The following ITPKB variants were observed in gnomAD, a reference collection of about 807,000 sequenced individuals.
The protein encoded by ITPKB is IP3 3-kinase B.
A neutral mutation model predicts 69.4 loss-of-function variants in ITPKB; 13 were observed. The ratio of observed to expected loss-of-function variants is 0.19; its 90% CI spans 0.12 to 0.30. The LOEUF (loss-of-function observed/expected upper bound fraction) is 0.30. ITPKB is among the 10% of genes least tolerant of loss of function. The pLI is 1.00. For synonymous variants in ITPKB, 584 were observed against 513.7 expected, an observed-to-expected ratio of 1.14 and a Z score of -1.85; for missense variants, 1,240 against 1,250.5, an observed-to-expected ratio of 0.99 and a Z score of 0.13.
Position 226,735,552 on chromosome 1 carries a change from G to T in ITPKB, c.1907C>A (p.Thr636Asn). 1 of 1,541,254 alleles carries T rather than the reference G, an allele frequency of 6.5e-7. No individual in the cohort carries two copies. The highest frequency in any genetic ancestry group is 2.3e-5 in the East Asian group (1 of 43,836). ...TLDPNSAFLH[T>N]LDQQKPRVSK... ...CACTCTAGGTTTCTGCTGGTCCAGG[G>T]TATGCAGGAAGGCTGAGTTGGGGTC... Residue 636 changes from threonine to asparagine, a missense_variant, in exon 2 of 8, where the codon ACC becomes AAC. By Grantham distance (65) the Thr-to-Asn change is moderately conservative (BLOSUM62 0). Transcript: ENST00000429204.
chr1:226,734,999 T>C (rs1657702320), intron 2 of ITPKB, among the ~76,000 whole-genome samples: 1 of 152,254 alleles, frequency 6.6e-6, no homozygotes, highest in Non-Finnish European at 1.5e-5. Context: ...CCCAGTTGAC[T>C]GGCCACAACC....
rs747681774 is a variant in ITPKB at position 226,642,008 on chromosome 1, C to A, written c.2364G>T (p.Gln788His). The A allele has an allele frequency of 1.9e-6, 3 of 1,614,250 alleles. No individual in the cohort carries two copies. Among genetic ancestry groups the A allele is most frequent in the Non-Finnish European group, 2.5e-6 (3 of 1,180,042 alleles). Residue 788 changes from glutamine to histidine, a missense_variant, in exon 5 of 8, where the codon CAG (glutamine) becomes CAT (histidine). By Grantham distance (24) the Gln-to-His change is conservative. Coordinates refer to ENST00000429204, the MANE Select transcript of ITPKB (RefSeq NM_002221.4). The surrounding 1 kb of genome is among the most constrained non-coding windows in gnomAD (Gnocchi z 6.4). ...PEAPTEEEKAQRAVTKPRYMQ... is the reference protein window; with the variant it reads ...PEAPTEEEKAHRAVTKPRYMQ... ...TGTACCGTGGCTTGGTCACAGCCCG[C>A]TGTGCTTTTTCCTCCTCGGTGGGGG...
chr1:226,716,575 C>T lies in ITPKB; in HGVS notation c.1932+18952G>A, dbSNP rs150980721. On this transcript the variant is annotated intron_variant, in intron 2 of 7. Coordinates refer to ENST00000429204, the MANE Select transcript of ITPKB (RefSeq NM_002221.4). ...TCCTGATGCTTTCCCTACCTCCACCCGCAAAAGGCCTCAGTGTGTGTTGTA... is the reference window on the plus strand; with the variant it reads ...TCCTGATGCTTTCCCTACCTCCACCTGCAAAAGGCCTCAGTGTGTGTTGTA... Among the ~76,000 whole-genome samples, 7 of 152,286 alleles carry T rather than the reference C, an allele frequency of 4.6e-5. No homozygotes were observed. In the East Asian group the frequency reaches 1.3e-3, roughly 29 times the overall value.
intron 2 of ITPKB, among the ~76,000 whole-genome samples, chr1:226,710,916 C>CACTT (rs1656931787): frequency 6.6e-6 from 1 of 152,204 alleles, no homozygotes; most frequent in African/African-American, 2.4e-5. Flanking sequence ...CACTGGACTT[C>CACTT]ACTTACAAAC....
At position 226,642,171 on chromosome 1, in the gene ITPKB, G is replaced by T; in HGVS notation, c.2247-46C>A. 1 of 1,500,550 alleles carries T rather than the reference G, an allele frequency of 6.7e-7. No individual in the cohort carries two copies. The highest frequency in any genetic ancestry group is 9.2e-7 in the Non-Finnish European group (1 of 1,092,352). 93.0% of individuals were successfully genotyped at this position (1,500,550 alleles called of 1,614,324 possible). ...CATGAGGGCCGAGGCCTGGGGCAGG[G>T]CTCACCAGCAGCTCCTTTCCTGCCT... On this transcript the variant is annotated intron_variant, in intron 4 of 7. Coordinates refer to ENST00000429204, the MANE Select transcript of ITPKB (RefSeq NM_002221.4). The surrounding 1 kb of genome is among the most constrained non-coding windows in gnomAD (Gnocchi z 6.4).
At chr1:226,663,678 C>A (rs894600555) in intron 2 of ITPKB, among the ~76,000 whole-genome samples, 1 of 152,008 alleles carries the variant, frequency 6.6e-6, no homozygotes, top group African/African-American at 2.4e-5. Context: ...TACCACCATG[C>A]CTGAATAATT....
chr1:226,696,059 G>A (rs190840397), intron 2 of ITPKB, among the ~76,000 whole-genome samples: 70 of 152,246 alleles, frequency 4.6e-4, no homozygotes, highest in Admixed American at 1.4e-3. Flanking sequence ...CTACTTGCCC[G>A]GGGCACCCAG....
chr1:226,663,354 A>G (rs888839428), intron 2 of ITPKB, among the ~76,000 whole-genome samples: 10 of 152,084 alleles, frequency 6.6e-5, no homozygotes, highest in Non-Finnish European at 1.5e-4. Context: ...TTGTGTCCCA[A>G]TCGGGGCAGA....
chr1:226,665,280 G>A (rs955976527), intron 2 of ITPKB, among the ~76,000 whole-genome samples: 22 of 152,300 alleles, frequency 1.4e-4, no homozygotes, highest in African/African-American at 5.3e-4. Context: ...TTGAGCCGCT[G>A]GATTTAGAGA....
chr1:226,684,648 C>T (rs921554588), intron 2 of ITPKB, among the ~76,000 whole-genome samples: 2 of 152,198 alleles, frequency 1.3e-5, no homozygotes, highest in Non-Finnish European at 2.9e-5. Context: ...AGGTCAGCTA[C>T]CGAAATGCAG....
intron 4 of ITPKB, 25 bp downstream of exon 4, chr1:226,647,142 G>C: frequency 6.2e-7 from 1 of 1,606,072 alleles, no homozygotes; most frequent in African/African-American, 1.3e-5. Flanking sequence ...AGGCAGGCAT[G>C]TGGGCTGCGA....
intron 2 of ITPKB, among the ~76,000 whole-genome samples, chr1:226,726,603 G>A (rs1298117536): frequency 6.6e-6 from 1 of 152,176 alleles, no homozygotes; most frequent in African/African-American, 2.4e-5. Flanking sequence ...TTGAGCTGGA[G>A]AGATCGAGGC....
intron 2 of ITPKB, among the ~76,000 whole-genome samples, chr1:226,716,329 C>T (rs776177386): frequency 3.3e-5 from 5 of 152,192 alleles, no homozygotes; most frequent in Non-Finnish European, 7.4e-5. Flanking sequence ...TCTTCCCATA[C>T]TCTAAAAAGA....
chr1:226,720,090 T>C (rs1049261134), intron 2 of ITPKB, among the ~76,000 whole-genome samples: 1 of 152,220 alleles, frequency 6.6e-6, no homozygotes, highest in African/African-American at 2.4e-5. Context: ...TTGCATCTAT[T>C]ACATCCCTTT....
chr1:226,643,455 G>T (rs1669003263), intron 4 of ITPKB, among the ~76,000 whole-genome samples: 2 of 152,078 alleles, frequency 1.3e-5, no homozygotes, highest in South Asian at 4.1e-4. Context: ...GCCCTGTGTG[G>T]GCGGGAGCTG....
At position 226,633,025 on chromosome 1, in the gene ITPKB, T is replaced by G. The variant is rs900930760; in HGVS notation, c.*1646A>C. 3 of 152,224 alleles carry G rather than the reference T, an allele frequency of 2.0e-5. No individual in the cohort carries two copies. The allele number at this position is 152,224 out of a possible 1,614,324, so 9.4% of individuals were successfully genotyped here. A position where few individuals can be genotyped will look rare whatever the true frequency, so the allele number is the denominator to read the frequency against. The stretch of plus-strand genomic sequence containing the variant: ...GGTCTCTCGTGCTCCACCGGGCGCG[T>G]GTGTGACCTTTAGCAAGTCGGCCCA... On this transcript the variant is annotated 3_prime_UTR_variant, in exon 8 of 8. Transcript: ENST00000429204.
chr1:226,736,200 G>A lies in ITPKB; in HGVS notation c.1259C>T (p.Ser420Phe), dbSNP rs943292541. Reference protein sequence around the residue: ...SWSRLPRALASVGPEEARSGA... With the variant: ...SWSRLPRALAFVGPEEARSGA... ...ACTTCGGGCCTCCTCAGGGCCTACG[G>A]AGGCCAGGGCCCTGGGCAGCCTGGA... The change falls in exon 2 of 8, where the codon TCC becomes TTC. Residue 420 changes from serine (S) to phenylalanine (F), a missense_variant. This residue lies in a region of ITPKB where 992 missense variants were observed against 853.8 expected (regional missense o/e 1.16). Transcript: ENST00000429204. The A allele has an allele frequency of 6.5e-7, 1 of 1,537,598 alleles. No individual in the cohort carries two copies. The highest frequency in any genetic ancestry group is 1.4e-5 in the African/African-American group (1 of 72,392).
At chr1:226,706,561 C>A (rs1656805547) in intron 2 of ITPKB, among the ~76,000 whole-genome samples, 1 of 152,160 alleles carries the variant, frequency 6.6e-6, no homozygotes, top group South Asian at 2.1e-4. Flanking sequence ...TGGCTTTCTA[C>A]CACTTTCCAA....
At chr1:226,720,721 G>A (rs1657214973) in intron 2 of ITPKB, among the ~76,000 whole-genome samples, 1 of 152,216 alleles carries the variant, frequency 6.6e-6, no homozygotes, top group Non-Finnish European at 1.5e-5. Context: ...TGAACTGGTA[G>A]TAAAATTATA....
Sources: gnomAD v4.1 joint callset for allele counts (sites outside exome capture counted in the v4.1 genomes callset) on GRCh38, gnomAD v4.1.1 for gene constraint, gnomAD v4.1.1 regional missense constraint, Gnocchi (gnomAD v3.1) non-coding constraint, MANE v1.5 for transcripts, NCBI Gene and HGNC (gene_info 2026-07-23, HGNC 2026-07-21) for gene names.